NDST4: variants seen among roughly 807,000 people sequenced by gnomAD.
NDST4 encodes N-heparan sulfate sulfotransferase 4.
NDST4 carries 63 observed loss-of-function variants against 100.8 expected under a neutral mutation model. That is an observed-to-expected ratio of 0.62 (90% CI 0.51 to 0.77). NDST4 has a LOEUF of 0.77. NDST4 is among the 30% of genes least tolerant of loss of function. The pLI is 0.00. For synonymous variants in NDST4, 377 were observed against 361.8 expected (o/e 1.04, Z -0.48); for missense variants, 943 against 1,018.4 (o/e 0.93, Z 1.01).
At chr4:114,996,845 T>C (rs1560850465) in intron 2 of NDST4, among the ~76,000 whole-genome samples, 1 of 152,118 alleles carries the variant, frequency 6.6e-6, no homozygotes, top group Non-Finnish European at 1.5e-5. Context: ...ATAATTTCTT[T>C]TTCATGTGTT....
chr4:114,974,688 T>C (rs1001915046), intron 3 of NDST4, among the ~76,000 whole-genome samples: 2 of 152,144 alleles, frequency 1.3e-5, no homozygotes, highest in Non-Finnish European at 1.5e-5. Context: ...CTGCACTACG[T>C]CCTTCCTCTT....
chr4:115,087,820 A>G (rs1285184967), intron 1 of NDST4, among the ~76,000 whole-genome samples: 1 of 151,986 alleles, frequency 6.6e-6, no homozygotes, highest in African/African-American at 2.4e-5. Flanking sequence ...AAAATGTTTT[A>G]GAAACTCAAC....
At chr4:114,901,444 C>T (rs1724836368) in intron 6 of NDST4, among the ~76,000 whole-genome samples, 1 of 152,162 alleles carries the variant, frequency 6.6e-6, no homozygotes, top group Non-Finnish European at 1.5e-5. Flanking sequence ...GTTAATATAT[C>T]TACTGCCACA....
At chr4:114,840,947 A>G (rs1331990224) in intron 10 of NDST4, among the ~76,000 whole-genome samples, 1 of 152,200 alleles carries the variant, frequency 6.6e-6, no homozygotes, top group Non-Finnish European at 1.5e-5. Context: ...TGATATTTTT[A>G]CATGTGTATA....
At chr4:114,870,372 T>C (rs1724121855) in intron 7 of NDST4, among the ~76,000 whole-genome samples, 1 of 152,136 alleles carries the variant, frequency 6.6e-6, no homozygotes, top group South Asian at 2.1e-4. Flanking sequence ...CATATCAAAG[T>C]CTAATTATAA....
intron 10 of NDST4, among the ~76,000 whole-genome samples, chr4:114,845,448 T>C (rs1723524427): frequency 6.6e-6 from 1 of 152,218 alleles, no homozygotes; most frequent in Non-Finnish European, 1.5e-5. Context: ...TTTACTTATT[T>C]ATTAACTTGG....
chr4:114,885,089 C>A (rs932162647), intron 6 of NDST4, among the ~76,000 whole-genome samples: 1 of 152,090 alleles, frequency 6.6e-6, no homozygotes, highest in Non-Finnish European at 1.5e-5. Context: ...TAGTCTCAGA[C>A]TTTTTATTAT....
intron 2 of NDST4, among the ~76,000 whole-genome samples, chr4:114,986,034 T>C (rs1726893775): frequency 6.6e-6 from 1 of 152,198 alleles, no homozygotes. Context: ...AAAATGTATA[T>C]ATACCGGTAA....
chr4:114,980,978 T>C (rs1265387662), intron 2 of NDST4, among the ~76,000 whole-genome samples: 1 of 151,940 alleles, frequency 6.6e-6, no homozygotes, highest in Non-Finnish European at 1.5e-5. Flanking sequence ...TTTGGGAAGC[T>C]GAGCTGGGAG....
chr4:115,065,409 A>G (rs1728926529), intron 2 of NDST4, among the ~76,000 whole-genome samples: 2 of 152,172 alleles, frequency 1.3e-5, no homozygotes, highest in Admixed American at 1.3e-4. Context: ...AACATTCAAG[A>G]TAGATAGTTC....
intron 3 of NDST4, among the ~76,000 whole-genome samples, chr4:114,971,126 T>C (rs904668264): frequency 2.0e-5 from 3 of 152,130 alleles, no homozygotes; most frequent in African/African-American, 7.2e-5. Flanking sequence ...TTTTCAAAAA[T>C]CTTTTTCTAC....
chr4:115,056,965 G>C (rs1426249150), intron 2 of NDST4, among the ~76,000 whole-genome samples: 2 of 151,948 alleles, frequency 1.3e-5, no homozygotes, highest in Non-Finnish European at 2.9e-5. Flanking sequence ...CCATTATTTT[G>C]GGTAATTTTT....
Position 114,979,039 on chromosome 4 carries a change from C to T in NDST4, c.979-1765G>A, listed in dbSNP as rs35726786. On this transcript the variant is annotated intron_variant, in intron 2 of 13. Transcript: ENST00000264363. The stretch of plus-strand genomic sequence containing the variant: ...CTCCATCAGTTAGGTATCCTTGGTG[C>T]CTCCAACACCCATTGCTATTTCCTG... Among the ~76,000 whole-genome samples, 1,112 of 152,122 alleles carry T rather than the reference C, an allele frequency of 7.3e-3. 12 individuals are homozygous for T. The highest frequency in any genetic ancestry group is 7.0e-3 in the Non-Finnish European group (474 of 67,960).
intron 5 of NDST4, among the ~76,000 whole-genome samples, chr4:114,935,828 G>A (rs1725618034): frequency 6.6e-6 from 1 of 152,040 alleles, no homozygotes; most frequent in Admixed American, 6.5e-5. Context: ...TGATATACTA[G>A]TCAAATTATT....
intron 1 of NDST4, among the ~76,000 whole-genome samples, chr4:115,093,363 T>C (rs1729558661): frequency 6.6e-6 from 1 of 151,866 alleles, no homozygotes; most frequent in Non-Finnish European, 1.5e-5. Context: ...TAGTCCCAGC[T>C]ACTCTAGAGG....
intron 2 of NDST4, among the ~76,000 whole-genome samples, chr4:115,000,723 T>C (rs1182364225): frequency 6.6e-6 from 1 of 152,114 alleles, no homozygotes; most frequent in South Asian, 2.1e-4. Context: ...AAGAATTACA[T>C]CTCTCCTGAA....
intron 6 of NDST4, among the ~76,000 whole-genome samples, chr4:114,929,156 C>CTATCTATA (rs1560817215): frequency 6.8e-6 from 1 of 147,384 alleles, no homozygotes; most frequent in African/African-American, 2.5e-5. Context: ...ATCTATCTAT[C>CTATCTATA]TATCTATGTA....
intron 12 of NDST4, among the ~76,000 whole-genome samples, chr4:114,830,512 G>T (rs767056051): frequency 3.3e-5 from 5 of 152,142 alleles, no homozygotes; most frequent in Non-Finnish European, 7.4e-5. Context: ...AGATAATTCA[G>T]GTACCTATAT....
At chr4:114,842,547 T>C in intron 10 of NDST4, 1 of 172,734 alleles carries the variant, frequency 5.8e-6, no homozygotes, top group South Asian at 8.9e-5. Flanking sequence ...ATCCCAGCAC[T>C]TTGGGAGGCC....
Sources: allele counts gnomAD v4.1 joint callset (sites outside exome capture counted in the v4.1 genomes callset), GRCh38; gene constraint gnomAD v4.1.1; transcripts MANE v1.5; gene names NCBI Gene and HGNC (gene_info 2026-07-23, HGNC 2026-07-21).